ASIC2: variants seen among roughly 807,000 people sequenced by gnomAD.
ASIC2 encodes the protein acid-sensing ion channel 2.
In ASIC2, 25 loss-of-function variants were observed where a neutral mutation model predicts 57.3. The observed-to-expected ratio is 0.44, with a 90% CI of 0.32 to 0.61. The LOEUF (loss-of-function observed/expected upper bound fraction) is 0.61. Among genes scored for constraint, ASIC2 ranks in the 20% least tolerant of loss-of-function variants. The pLI is 0.06. For synonymous variants in ASIC2, 319 were observed against 307.5 expected, an observed-to-expected ratio of 1.04 and a Z score of -0.39; for missense variants, 641 against 738.1, an observed-to-expected ratio of 0.87 and a Z score of 1.52.
rs569152317 is a variant in ASIC2 at position 33,639,729 on chromosome 17, C to A, written c.555+516249G>T. 7.1e-5 allele frequency among the ~76,000 whole-genome samples: 10 copies of A among 140,752 alleles called. No homozygotes were observed. In the South Asian group the frequency reaches 1.9e-3, roughly 27 times the overall value. 92.3% of individuals were successfully genotyped at this position (140,752 alleles called of 152,430 possible). A position where few individuals can be genotyped will look rare whatever the true frequency, so the allele number is the denominator to read the frequency against. On this transcript the variant is annotated intron_variant, in intron 1 of 9. Transcript: ENST00000359872. ...TGGCATAAAAATCTTCCCTTTGCCC[C>A]ATACTAAGGGTGGGCAGAAAGCTCA...
chr17:33,534,058 G>C (rs1915145535), intron 1 of ASIC2: 1 of 152,096 alleles, frequency 6.6e-6, no homozygotes, highest in Non-Finnish European at 1.5e-5. Context: ...ATACTTCCCA[G>C]TCCATCTCAT....
intron 1 of ASIC2, among the ~76,000 whole-genome samples, chr17:33,664,468 A>G (rs947877317): frequency 1.6e-4 from 25 of 152,192 alleles, no homozygotes; most frequent in African/African-American, 6.0e-4. Flanking sequence ...TGGAGTATAC[A>G]AGATGATCCA....
At chr17:33,384,091 C>T (rs535255936) in intron 1 of ASIC2, among the ~76,000 whole-genome samples, 3 of 152,300 alleles carry the variant, frequency 2.0e-5, no homozygotes, top group Non-Finnish European at 4.4e-5. Context: ...GGGATACTCA[C>T]TTCTGGCCCC....
At chr17:33,814,086 A>G (rs1393284447) in intron 1 of ASIC2, among the ~76,000 whole-genome samples, 3 of 151,958 alleles carry the variant, frequency 2.0e-5, no homozygotes, top group Non-Finnish European at 4.4e-5. Context: ...TGGAGAAATG[A>G]GTTTCTCCAT....
At chr17:33,269,608 T>TC (rs1904363568) in intron 1 of ASIC2, among the ~76,000 whole-genome samples, 1 of 151,140 alleles carries the variant, frequency 6.6e-6, no homozygotes, top group South Asian at 2.1e-4. Flanking sequence ...ACCTAAGGGC[T>TC]CCTTCCCTTC....
chr17:33,067,786 C>T (rs2092050102), intron 3 of ASIC2, among the ~76,000 whole-genome samples: 1 of 152,212 alleles, frequency 6.6e-6, no homozygotes, highest in Non-Finnish European at 1.5e-5. Context: ...AGTGAATCCT[C>T]ATGGCTAATG....
intron 1 of ASIC2, among the ~76,000 whole-genome samples, chr17:33,602,503 A>G (rs979437582): frequency 6.6e-6 from 1 of 152,160 alleles, no homozygotes; most frequent in Non-Finnish European, 1.5e-5. Flanking sequence ...CAGCCCCTCA[A>G]TCTTGGACTT....
intron 1 of ASIC2, among the ~76,000 whole-genome samples, chr17:33,267,452 G>A (rs1007512001): frequency 2.0e-5 from 3 of 152,098 alleles, no homozygotes; most frequent in Admixed American, 1.3e-4. Flanking sequence ...GACTGATGAC[G>A]GTAATGATTC....
chr17:33,464,461 T>C (rs1030766757), intron 1 of ASIC2, among the ~76,000 whole-genome samples: 3 of 81,444 alleles, frequency 3.7e-5, no homozygotes, highest in East Asian at 6.0e-4. Context: ...CTTTTTCTCT[T>C]TCTTTCTTTC....
At chr17:33,946,406 A>T (rs1181768193) in intron 1 of ASIC2, among the ~76,000 whole-genome samples, 1 of 152,200 alleles carries the variant, frequency 6.6e-6, no homozygotes, top group African/African-American at 2.4e-5. Context: ...AAAAGGTGGA[A>T]ACTGTTTAGC....
chr17:33,437,757 C>T (rs371464685), intron 1 of ASIC2, among the ~76,000 whole-genome samples: 25 of 152,182 alleles, frequency 1.6e-4, no homozygotes, highest in African/African-American at 5.5e-4. Flanking sequence ...GATCACACCA[C>T]TGCACTCCAG....
chr17:33,623,432 T>TC (rs1285448440), intron 1 of ASIC2: 1 of 151,792 alleles, frequency 6.6e-6, no homozygotes, highest in Non-Finnish European at 1.5e-5. Flanking sequence ...GCCAATTTTT[T>TC]TTTTTTTTGT....
intron 1 of ASIC2, among the ~76,000 whole-genome samples, chr17:33,758,229 G>A (rs561447408): frequency 4.1e-4 from 62 of 152,268 alleles, no homozygotes; most frequent in African/African-American, 1.5e-3. Context: ...TCTGGGAAGT[G>A]TGATACCAAT....
At chr17:33,928,613 GA>G (rs1820250918) in intron 1 of ASIC2, among the ~76,000 whole-genome samples, 1 of 152,120 alleles carries the variant, frequency 6.6e-6, no homozygotes, top group Non-Finnish European at 1.5e-5. Context: ...CCCTCTCTTG[GA>G]AATGTAGTGT....
chr17:34,052,259 T>C (rs183707517), intron 1 of ASIC2, among the ~76,000 whole-genome samples: 107 of 152,258 alleles, frequency 7.0e-4, no homozygotes, highest in African/African-American at 2.6e-3. Flanking sequence ...CCAAGAAACA[T>C]TTGAAATCGT....
At chr17:33,930,091 T>C (rs555920817) in intron 1 of ASIC2, among the ~76,000 whole-genome samples, 57 of 152,200 alleles carry the variant, frequency 3.7e-4, no homozygotes, top group Non-Finnish European at 7.5e-4. Context: ...AAACTTGTGA[T>C]AATAGAAGTT....
intron 1 of ASIC2, among the ~76,000 whole-genome samples, chr17:33,224,577 T>C (rs755996991): frequency 7.9e-5 from 12 of 152,190 alleles, no homozygotes; most frequent in Non-Finnish European, 1.3e-4. Context: ...AATAAATGAA[T>C]GAATGTATGC....
chr17:33,436,148 A>G (rs1333256907), intron 1 of ASIC2, among the ~76,000 whole-genome samples: 1 of 152,230 alleles, frequency 6.6e-6, no homozygotes, highest in Non-Finnish European at 1.5e-5. Flanking sequence ...AGGCCAGGCT[A>G]TTTAGTTTAT....
chr17:33,973,458 A>C (rs752360057), intron 1 of ASIC2, among the ~76,000 whole-genome samples: 1 of 152,224 alleles, frequency 6.6e-6, no homozygotes. Context: ...TCCTGTAGCA[A>C]TAGGCCCAGA....
Sources: allele counts gnomAD v4.1 joint callset (sites outside exome capture counted in the v4.1 genomes callset), GRCh38; gene constraint gnomAD v4.1.1; transcripts MANE v1.5; gene names NCBI Gene and HGNC (gene_info 2026-07-23, HGNC 2026-07-21).